Variants in MARCHF1 observed in about 807,000 individuals in gnomAD.
MARCHF1 encodes the protein E3 ubiquitin-protein ligase MARCHF1.
Under a neutral mutation model 54.2 loss-of-function variants are expected in MARCHF1, and 40 were observed. That is an observed-to-expected ratio of 0.74 (90% CI 0.57 to 0.96). MARCHF1 has a LOEUF of 0.96. Among genes scored for constraint, MARCHF1 ranks in the 40% least tolerant of loss-of-function variants. MARCHF1 has a pLI of 0.00. For synonymous variants in MARCHF1, 236 were observed against 236.3 expected (o/e 1.00, Z 0.01); for missense variants, 586 against 656.5 (o/e 0.89, Z 1.17).
At chr4:163,617,044 T>C (rs1741537790) in intron 5 of MARCHF1, among the ~76,000 whole-genome samples, 1 of 152,132 alleles carries the variant, frequency 6.6e-6, no homozygotes, top group South Asian at 2.1e-4. Flanking sequence ...GAAAATGTGA[T>C]ATATATGCAT....
intron 8 of MARCHF1, among the ~76,000 whole-genome samples, chr4:163,569,885 C>T (rs529715169): frequency 1.6e-4 from 25 of 152,102 alleles, no homozygotes; most frequent in Non-Finnish European, 2.9e-4. Flanking sequence ...TGCAAATGAA[C>T]GCCTGGAGCA....
At chr4:164,027,232 G>T (rs1414234473) in intron 2 of MARCHF1, among the ~76,000 whole-genome samples, 2 of 151,100 alleles carry the variant, frequency 1.3e-5, no homozygotes, top group African/African-American at 4.9e-5. Context: ...TTATACAAAA[G>T]TATTTAGAAT....
At chr4:163,642,967 A>G (rs982306986) in intron 5 of MARCHF1, among the ~76,000 whole-genome samples, 3 of 151,704 alleles carry the variant, frequency 2.0e-5, no homozygotes, top group Admixed American at 6.6e-5. Flanking sequence ...ACATATGTGT[A>G]TGTGTGTGTG....
intron 9 of MARCHF1, 86 bp downstream of exon 9, chr4:163,545,510 G>C (rs1014349052): frequency 3.8e-6 from 5 of 1,315,504 alleles, no homozygotes; most frequent in Non-Finnish European, 4.2e-6. Flanking sequence ...CATGATGAAG[G>C]CCTAACCTGG....
At chr4:164,329,534 A>G (rs1735370753) in intron 1 of MARCHF1, among the ~76,000 whole-genome samples, 1 of 152,230 alleles carries the variant, frequency 6.6e-6, no homozygotes, top group Admixed American at 6.5e-5. Context: ...CAGAGGGTAT[A>G]TTAGGCCATT....
At chr4:164,280,375 C>A (rs1420771998) in intron 1 of MARCHF1, among the ~76,000 whole-genome samples, 1 of 151,790 alleles carries the variant, frequency 6.6e-6, no homozygotes, top group African/African-American at 2.4e-5. Context: ...AATGGAATTG[C>A]ATAGAAAGAG....
intron 1 of MARCHF1, among the ~76,000 whole-genome samples, chr4:164,293,995 G>T (rs749401443): frequency 6.6e-6 from 1 of 152,152 alleles, no homozygotes; most frequent in Non-Finnish European, 1.5e-5. Context: ...CTGCCAGTGC[G>T]GTTAGAATAA....
chr4:164,202,196 G>T (rs1414681424), intron 1 of MARCHF1, among the ~76,000 whole-genome samples: 1 of 152,202 alleles, frequency 6.6e-6, no homozygotes, highest in African/African-American at 2.4e-5. Context: ...AGGAAAGCTT[G>T]CCCAAGAAAC....
rs1553968460 is a variant in MARCHF1 at position 163,994,301 on chromosome 4, TGA to T, written c.-247-5594_-247-5593del. On this transcript the variant is annotated intron_variant, in intron 2 of 9. Transcript: ENST00000514618. ...GTGTGTGTGTGTGTGTGTGTGTGTGTGAGTGTGGTGGGGAGGAAGCATTCTCA... is the reference window on the plus strand; with the variant it reads ...GTGTGTGTGTGTGTGTGTGTGTGTGTGTGTGGTGGGGAGGAAGCATTCTCA... Among the ~76,000 whole-genome samples, 302 of 143,512 alleles carry T rather than the reference TGA, an allele frequency of 2.1e-3. 2 individuals are homozygous for T. The highest frequency in any genetic ancestry group is 4.6e-3 in the African/African-American group (172 of 37,300). The allele number at this position is 143,512 out of a possible 152,430, so 94.1% of individuals were successfully genotyped here.
At chr4:163,565,770 C>G (rs373185717) in intron 8 of MARCHF1, among the ~76,000 whole-genome samples, 1 of 152,112 alleles carries the variant, frequency 6.6e-6, no homozygotes, top group Non-Finnish European at 1.5e-5. Context: ...AATCTTACCC[C>G]GATTCTGTTG....
intron 7 of MARCHF1, among the ~76,000 whole-genome samples, chr4:163,609,438 G>A (rs4691096): frequency 1.3e-5 from 2 of 151,690 alleles, no homozygotes; most frequent in Admixed American, 6.6e-5. Flanking sequence ...CTTGGTGGAA[G>A]GCTAATTTGC....
intron 4 of MARCHF1, among the ~76,000 whole-genome samples, chr4:163,782,867 A>G (rs1391518806): frequency 6.6e-6 from 1 of 152,116 alleles, no homozygotes; most frequent in East Asian, 1.9e-4. Flanking sequence ...TGGGCTTGCA[A>G]AAGAATTTCA....
intron 3 of MARCHF1, among the ~76,000 whole-genome samples, chr4:163,940,849 C>T (rs888043469): frequency 1.3e-5 from 2 of 152,038 alleles, no homozygotes; most frequent in East Asian, 3.9e-4. Flanking sequence ...CACAATGTTG[C>T]TAAATGTTGC....
At chr4:163,642,467 G>C (rs889844351) in intron 5 of MARCHF1, among the ~76,000 whole-genome samples, 1 of 152,106 alleles carries the variant, frequency 6.6e-6, no homozygotes, top group Admixed American at 6.5e-5. Context: ...GTGTTTAAAA[G>C]TCACTTCGGT....
intron 1 of MARCHF1, among the ~76,000 whole-genome samples, chr4:164,346,551 A>T (rs144153594): frequency 9.2e-4 from 118 of 127,616 alleles, no homozygotes; most frequent in African/African-American, 3.0e-3. Context: ...TACCAAACCC[A>T]GTAATGAATG....
chr4:163,806,505 G>A (rs1748227475), intron 4 of MARCHF1, among the ~76,000 whole-genome samples: 1 of 152,152 alleles, frequency 6.6e-6, no homozygotes, highest in Admixed American at 6.6e-5. Flanking sequence ...GCTCCAGTGG[G>A]GGCTGCTAAT....
At chr4:164,375,664 C>A (rs531053663) in intron 1 of MARCHF1, among the ~76,000 whole-genome samples, 77 of 152,110 alleles carry the variant, frequency 5.1e-4, no homozygotes, top group Non-Finnish European at 9.4e-4. Flanking sequence ...TACTGCTCCC[C>A]TACTACATGC....
intron 2 of MARCHF1, among the ~76,000 whole-genome samples, chr4:163,989,512 T>C (rs1752934800): frequency 6.6e-6 from 1 of 152,150 alleles, no homozygotes; most frequent in African/African-American, 2.4e-5. Flanking sequence ...TATGTTTGAA[T>C]TACTAGCAGC....
intron 3 of MARCHF1, among the ~76,000 whole-genome samples, chr4:163,934,249 C>T (rs766355172): frequency 6.6e-6 from 1 of 151,934 alleles, no homozygotes; most frequent in Non-Finnish European, 1.5e-5. Flanking sequence ...ACATAAAATA[C>T]AATTATATTT....
Sources: allele counts gnomAD v4.1 joint callset (sites outside exome capture counted in the v4.1 genomes callset), GRCh38; gene constraint gnomAD v4.1.1; transcripts MANE v1.5; gene names NCBI Gene and HGNC (gene_info 2026-07-23, HGNC 2026-07-21).